Variants in NR3C1 observed in about 807,000 individuals in gnomAD.
The protein encoded by NR3C1 is nuclear receptor subfamily 3 group C member 1, also known as glucocorticoid receptor.
A neutral mutation model predicts 74.0 loss-of-function variants in NR3C1; 14 were observed. The observed-to-expected ratio is 0.19, with a 90% CI of 0.12 to 0.30. The LOEUF (loss-of-function observed/expected upper bound fraction) is 0.30. Ranked by LOEUF, NR3C1 falls within the 10% of genes least tolerant of loss-of-function variation. The pLI, the probability that NR3C1 is intolerant of heterozygous loss-of-function variation, is 1.00. For synonymous variants in NR3C1, 308 were observed against 332.5 expected (o/e 0.93, Z 0.80); for missense variants, 695 against 909.8 (o/e 0.76, Z 3.04).
At chr5:143,402,735 G>A (rs1840551048) in intron 1 of NR3C1, 2 of 985,302 alleles carry the variant, frequency 2.0e-6, no homozygotes, top group Non-Finnish European at 1.2e-6. Context: ...CAAGCCAGGC[G>A]CCGCCGGGGC....
intron 2 of NR3C1, among the ~76,000 whole-genome samples, chr5:143,335,121 G>C (rs1826841257): frequency 6.6e-6 from 1 of 152,178 alleles, no homozygotes; most frequent in Non-Finnish European, 1.5e-5. Flanking sequence ...GGTTTGAATA[G>C]GAGGCAATTT....
chr5:143,365,918 G>A (rs1213497267), intron 2 of NR3C1, among the ~76,000 whole-genome samples: 2 of 152,082 alleles, frequency 1.3e-5, no homozygotes, highest in Admixed American at 6.5e-5. Flanking sequence ...AGAGGGGGAA[G>A]AAATCACAAT....
intron 1 of NR3C1, among the ~76,000 whole-genome samples, chr5:143,425,135 A>G (rs958161659): frequency 6.6e-6 from 1 of 152,190 alleles, no homozygotes; most frequent in African/African-American, 2.4e-5. Flanking sequence ...AGACCATTCA[A>G]TGAGGAAAGA....
At chr5:143,331,346 A>T (rs1825896428) in intron 2 of NR3C1, among the ~76,000 whole-genome samples, 1 of 152,222 alleles carries the variant, frequency 6.6e-6, no homozygotes, top group Non-Finnish European at 1.5e-5. Flanking sequence ...AGTGTAAATT[A>T]ATCCAGCCAT....
chr5:143,311,355 T>C (rs1470823154), intron 3 of NR3C1, among the ~76,000 whole-genome samples: 1 of 152,228 alleles, frequency 6.6e-6, no homozygotes. Context: ...TTCCAAAGTT[T>C]TGTTTATATC....
intron 2 of NR3C1, among the ~76,000 whole-genome samples, chr5:143,356,036 G>C (rs1831068469): frequency 6.6e-6 from 1 of 152,110 alleles, no homozygotes; most frequent in Non-Finnish European, 1.5e-5. Flanking sequence ...AACAGAGAAA[G>C]AGGAATTTAT....
chr5:143,316,471 G>A (rs860458), intron 2 of NR3C1, among the ~76,000 whole-genome samples: 22,085 of 152,136 alleles, frequency 0.15, 1,790 homozygotes, highest in African/African-American at 0.17. Context: ...ATAATAGTTT[G>A]TAGTACTTCG....
At chr5:143,301,835 T>C (rs986268622) in intron 4 of NR3C1, among the ~76,000 whole-genome samples, 1 of 152,128 alleles carries the variant, frequency 6.6e-6, no homozygotes, top group African/African-American at 2.4e-5. Context: ...ACACACCATA[T>C]AGTCTATGGA....
At chr5:143,377,547 C>T (rs531992529) in intron 2 of NR3C1, among the ~76,000 whole-genome samples, 9 of 152,372 alleles carry the variant, frequency 5.9e-5, no homozygotes, top group African/African-American at 2.2e-4. Flanking sequence ...CATCATGTCT[C>T]TCTAGCCAGA....
chr5:143,399,919 A>C lies in NR3C1; in HGVS notation c.921T>G (p.Pro307=). ...LGTVYCQASF[P]GANIIGNKMS... is the part of the protein sequence containing the mutation. ...TTTTATTACCAATTATATTTGCTCC[A>C]GGAAAGCTTGCCTGACAGTAAACTG... Residue 307 remains proline, a synonymous_variant, in exon 2 of 9, where the codon CCT becomes CCG. Transcript: ENST00000394464. The C allele has an allele frequency of 6.2e-7, 1 of 1,614,208 alleles. No individual in the cohort carries two copies. The highest frequency in any genetic ancestry group is 8.5e-7 in the Non-Finnish European group (1 of 1,180,034).
At chr5:143,406,035 C>A (rs1180695596), upstream of NR3C1, among the ~76,000 whole-genome samples, 5 of 151,946 alleles carry the variant, frequency 3.3e-5, no homozygotes, top group African/African-American at 1.2e-4. Flanking sequence ...AGTTAAATAG[C>A]CCATGCTAAT....
intron 2 of NR3C1, among the ~76,000 whole-genome samples, chr5:143,319,095 AGAATT>A: frequency 6.6e-6 from 1 of 152,182 alleles, no homozygotes; most frequent in East Asian, 1.9e-4. Flanking sequence ...CCACACTGGA[AGAATT>A]GTTGTTATGG....
At position 143,374,422 on chromosome 5, in the gene NR3C1, C is replaced by T. The variant is rs191209835; in HGVS notation, c.1184+25234G>A. Among the ~76,000 whole-genome samples, 291 of 150,946 alleles carry T rather than the reference C, an allele frequency of 1.9e-3. 1 individual carries two copies. Among genetic ancestry groups the T allele is most frequent in the African/African-American group, 6.7e-3 (276 of 41,076 alleles). ...AGGAGAATGGCGTGAACCAGGGAGG[C>T]GGAGCTTGCAGTGAGCCAAGATCAT... On this transcript the variant is annotated intron_variant, in intron 2 of 8. Coordinates refer to ENST00000394464, the MANE Select transcript of NR3C1 (RefSeq NM_000176.3).
At chr5:143,391,038 G>T (rs1172201658) in intron 2 of NR3C1, among the ~76,000 whole-genome samples, 1 of 151,574 alleles carries the variant, frequency 6.6e-6, no homozygotes, top group East Asian at 1.9e-4. Context: ...TGGGTTTTCT[G>T]TTTTAAAAAA....
chr5:143,431,573 T>C (rs991883611), intron 1 of NR3C1, among the ~76,000 whole-genome samples: 1 of 152,044 alleles, frequency 6.6e-6, no homozygotes, highest in Non-Finnish European at 1.5e-5. Flanking sequence ...AGGTGGTGGG[T>C]TGATAGGTGC....
intron 3 of NR3C1, among the ~76,000 whole-genome samples, chr5:143,312,013 CTG>C (rs1821094410): frequency 6.6e-6 from 1 of 152,084 alleles, no homozygotes; most frequent in African/African-American, 2.4e-5. Flanking sequence ...TTTGGAGTTC[CTG>C]TGTCTTCTAC....
At chr5:143,433,428 ATATATATAATTTATTTATTTAAAT>A (rs1338017621) in intron 1 of NR3C1, among the ~76,000 whole-genome samples, 3 of 140,524 alleles carry the variant, frequency 2.1e-5, no homozygotes, top group Admixed American at 7.4e-5. Flanking sequence ...TAAATTATAT[ATATATATAATTTATTTATTTAAAT>A]TATATATATA....
chr5:143,373,956 C>CA (rs1834694302), intron 2 of NR3C1, among the ~76,000 whole-genome samples: 2 of 152,056 alleles, frequency 1.3e-5, no homozygotes, highest in South Asian at 2.1e-4. Flanking sequence ...TGGTATGACA[C>CA]AAAAAATGTG....
At chr5:143,423,912 T>C (rs1751370646) in intron 1 of NR3C1, among the ~76,000 whole-genome samples, 1 of 149,438 alleles carries the variant, frequency 6.7e-6, no homozygotes, top group African/African-American at 2.5e-5. Flanking sequence ...AGAGAAAGAA[T>C]AGAATGATGG....
Sources: allele counts gnomAD v4.1 joint callset (sites outside exome capture counted in the v4.1 genomes callset), GRCh38; gene constraint gnomAD v4.1.1; transcripts MANE v1.5; gene names NCBI Gene and HGNC (gene_info 2026-07-23, HGNC 2026-07-21).